The following CEP104 variants were observed in gnomAD, a reference collection of about 807,000 sequenced individuals.
CEP104 encodes centrosomal protein 104.
A neutral mutation model predicts 113.3 loss-of-function variants in CEP104; 84 were observed. The ratio of observed to expected loss-of-function variants is 0.74; its 90% CI spans 0.62 to 0.89. The LOEUF is 0.89. Ranked by LOEUF, CEP104 falls within the 40% of genes least tolerant of loss-of-function variation. The probability of loss-of-function intolerance (pLI) is 0.00; values close to 1 mark genes in which losing one functional copy is unlikely to be tolerated. For synonymous variants in CEP104, 378 were observed against 421.7 expected (o/e 0.90, Z 1.27); for missense variants, 1,053 against 1,156.6 (o/e 0.91, Z 1.30).
rs1644090848 is a variant in CEP104, at chr1:3,826,355, G to A, written c.2255+15C>T. The stretch of plus-strand genomic sequence containing the variant: ...CCTGACCATCGTACAATGGGTGGAA[G>A]ACAGCGCGACTTACTTATCTAGATA... On this transcript the variant is annotated intron_variant, in intron 17 of 21. Coordinates refer to ENST00000378230, the MANE Select transcript of CEP104 (RefSeq NM_014704.4). 6.2e-7 allele frequency: 1 copy of A among 1,612,312 alleles called. No homozygotes were observed. Among genetic ancestry groups the A allele is most frequent in the East Asian group, 2.2e-5 (1 of 44,868 alleles).
intron 2 of CEP104, among the ~76,000 whole-genome samples, chr1:3,849,263 T>G (rs1644566860): frequency 8.3e-6 from 1 of 119,768 alleles, no homozygotes; most frequent in Non-Finnish European, 1.7e-5. Flanking sequence ...AAAAGTGACA[T>G]AACTTTTTTT....
rs1643930844 is a variant in CEP104, at chr1:3,819,456, G to A, written c.2572-3086C>T. Among the ~76,000 whole-genome samples the A allele has an allele frequency of 6.6e-6, 1 of 152,212 alleles. No homozygotes were observed. The highest frequency in any genetic ancestry group is 1.5e-5 in the Non-Finnish European group (1 of 68,030). On this transcript the variant is annotated intron_variant, in intron 20 of 21. Transcript: ENST00000378230. This position sits in a 1 kb window ranked among gnomAD's most constrained non-coding sequence, Gnocchi z 4.6. The stretch of plus-strand genomic sequence containing the variant: ...CCACGGGGAGAGGCTGTGCAGACTA[G>A]ATCTCCATGAAGCTGTTAAAAACAG...
rs143529319 is a variant in CEP104, at chr1:3,839,898, C to T, written c.567-122G>A. ...CCCATCATGGTTCACAGAGCATTTCCTGCATGAGAAAACGGGTCTCAGAGA... is the reference window on the plus strand; with the variant it reads ...CCCATCATGGTTCACAGAGCATTTCTTGCATGAGAAAACGGGTCTCAGAGA... On this transcript the variant is annotated intron_variant, in intron 6 of 21. Coordinates refer to ENST00000378230, the MANE Select transcript of CEP104 (RefSeq NM_014704.4). The T allele has an allele frequency of 0.014, 11,011 of 783,098 alleles. 174 individuals are homozygous for T. The highest frequency in any genetic ancestry group is 0.039 in the East Asian group (1,492 of 38,038). 48.5% of individuals were successfully genotyped at this position (783,098 alleles called of 1,614,324 possible). A position where few individuals can be genotyped will look rare whatever the true frequency, so the allele number is the denominator to read the frequency against.
At chr1:3,827,803 C>T (rs1015518889) in intron 15 of CEP104, among the ~76,000 whole-genome samples, 12 of 152,242 alleles carry the variant, frequency 7.9e-5, no homozygotes, top group Admixed American at 2.6e-4. Context: ...CCCAGCACCC[C>T]GCAGCACAGA....
intron 9 of CEP104, 68 bp from the exon 10 acceptor site, chr1:3,836,760 T>G: frequency 8.6e-6 from 12 of 1,402,658 alleles, no homozygotes; most frequent in South Asian, 1.2e-5. Flanking sequence ...AGTGCAACTC[T>G]CACTGGCAGG....
chr1:3,835,162 T>G (rs1307569747), intron 10 of CEP104, 70 bp from the exon 11 acceptor site: 1 of 1,216,432 alleles, frequency 8.2e-7, no homozygotes, highest in African/African-American at 1.9e-5. Context: ...CTTGAAGGCT[T>G]TGTTTTTTTT....
At chr1:3,832,410 C>CGCAGGTCGTGACCAGGAGTGTAGT (rs1644229598) in intron 12 of CEP104, among the ~76,000 whole-genome samples, 1 of 38,854 alleles carries the variant, frequency 2.6e-5, no homozygotes, top group Non-Finnish European at 6.3e-5. Flanking sequence ...AGGAGTGTAG[C>CGCAGGTCGTGACCAGGAGTGTAGT]GTAGGTCCTG....
At position 3,829,871 on chromosome 1, in the gene CEP104, T is replaced by C; in HGVS notation, c.1963A>G (p.Thr655Ala). Residue 655 changes from threonine to alanine, a missense_variant, in exon 14 of 22, where the codon ACA becomes GCA. By Grantham distance (58) the Thr-to-Ala change is moderately conservative. Transcript: ENST00000378230. The part of the protein sequence containing the change: ...LEYLPPDDSN[T>A]RRNILYKTIF... ...GTTTTGTAGAGAATGTTCCTGCGTG[T>C]GTTGCTGTCGTCTGGAGGAAGGTAC... 1 of 1,614,188 alleles carries C rather than the reference T, an allele frequency of 6.2e-7. No individual in the cohort carries two copies. The highest frequency in any genetic ancestry group is 8.5e-7 in the Non-Finnish European group (1 of 1,180,034).
At chr1:3,849,798 G>A (rs1466495905) in intron 2 of CEP104, among the ~76,000 whole-genome samples, 1 of 151,340 alleles carries the variant, frequency 6.6e-6, no homozygotes, top group African/African-American at 2.4e-5. Context: ...CTGAACATAA[G>A]GACAATAAGT....
At chr1:3,817,432 T>C (rs567619109) in intron 20 of CEP104, among the ~76,000 whole-genome samples, 15 of 152,136 alleles carry the variant, frequency 9.9e-5, no homozygotes, top group Non-Finnish European at 1.8e-4. Context: ...GCCCTGCTTC[T>C]CCCTGGTTCC....
At chr1:3,851,028 G>A (rs1644600737) in intron 2 of CEP104, among the ~76,000 whole-genome samples, 2 of 152,354 alleles carry the variant, frequency 1.3e-5, no homozygotes, top group South Asian at 4.1e-4. Flanking sequence ...TCTGGGAGGA[G>A]AGGGCAGAGC....
chr1:3,841,387 A>G (rs1644409840), intron 6 of CEP104, among the ~76,000 whole-genome samples: 1 of 152,192 alleles, frequency 6.6e-6, no homozygotes, highest in African/African-American at 2.4e-5. Context: ...AACTGTGTCT[A>G]ATCCCAGGGG....
chr1:3,850,027 C>T (rs1247508847), intron 2 of CEP104, among the ~76,000 whole-genome samples: 4 of 152,352 alleles, frequency 2.6e-5, no homozygotes, highest in South Asian at 4.1e-4. Flanking sequence ...AGCACTGTCA[C>T]GTGCTGTACA....
At position 3,829,955 on chromosome 1, in the gene CEP104, C is replaced by A. The variant is rs750473230; in HGVS notation, c.1879G>T (p.Glu627Ter). Residue 627 changes from glutamate (E) to a stop codon, truncating the protein, a stop_gained, in exon 14 of 22, where the codon GAG becomes TAG. Coordinates refer to ENST00000378230, the MANE Select transcript of CEP104 (RefSeq NM_014704.4). LOFTEE classifies it high-confidence loss of function. ...ALEHRVYEVR[E>*]TAVRIILDMY... Reference sequence around the variant, plus strand: ...TCCAAAATAATTCGAACCGCCGTCTCGCGGACCTCATACACTCTATGCTCC... The same window carrying A: ...TCCAAAATAATTCGAACCGCCGTCTAGCGGACCTCATACACTCTATGCTCC... 6.2e-7 allele frequency: 1 copy of A among 1,614,172 alleles called. No individual in the cohort carries two copies. Among genetic ancestry groups the A allele is most frequent in the African/African-American group, 1.3e-5 (1 of 75,040 alleles).
At chr1:3,855,948 C>A (rs1644716884) in intron 1 of CEP104, 1 of 985,406 alleles carries the variant, frequency 1.0e-6, no homozygotes, top group Non-Finnish European at 1.2e-6. Flanking sequence ...ACATCTCTCC[C>A]CAGGCAGCGA....
At position 3,829,817 on chromosome 1, in the gene CEP104, C is replaced by A. The variant is rs1644164798; in HGVS notation, c.2017G>T (p.Gly673Cys). The stretch of plus-strand genomic sequence containing the variant: ...CTCATCTCAGCATCTGTAGCTCTGC[C>A]ATCTATTTTAGCAAATCCCTCAAAA... Reference protein sequence around the residue: ...TIFEGFAKIDGRATDAEMRAR... With the variant: ...TIFEGFAKIDCRATDAEMRAR... The change falls in exon 14 of 22, where the codon GGC (glycine) becomes TGC (cysteine). Residue 673 changes from glycine to cysteine, a missense_variant. Coordinates refer to ENST00000378230, the MANE Select transcript of CEP104 (RefSeq NM_014704.4). 1 of 1,614,198 alleles carries A rather than the reference C, an allele frequency of 6.2e-7. No homozygotes were observed. The highest frequency in any genetic ancestry group is 1.1e-5 in the South Asian group (1 of 91,074).
intron 20 of CEP104, among the ~76,000 whole-genome samples, chr1:3,818,920 T>C (rs1332613863): frequency 6.6e-6 from 1 of 152,184 alleles, no homozygotes; most frequent in Admixed American, 6.6e-5. Context: ...GTTTGAGAAA[T>C]CCCTTCCTAT....
At position 3,814,338 on chromosome 1, in the gene CEP104, A is replaced by G. The variant is rs1368841386; in HGVS notation, c.*1064T>C. On this transcript the variant is annotated 3_prime_UTR_variant, in exon 22 of 22. Coordinates refer to ENST00000378230, the MANE Select transcript of CEP104 (RefSeq NM_014704.4). ...GACACAGGCCCAACCAAAGCTATGGACAAAACCCCCAGCTCACTCCCACAG... is the reference window on the plus strand; with the variant it reads ...GACACAGGCCCAACCAAAGCTATGGGCAAAACCCCCAGCTCACTCCCACAG... The G allele has an allele frequency of 6.6e-6, 1 of 152,256 alleles. No homozygotes were observed. Among genetic ancestry groups the G allele is most frequent in the African/African-American group, 2.4e-5 (1 of 41,462 alleles). 9.4% of individuals were successfully genotyped at this position (152,256 alleles called of 1,614,324 possible).
rs535293642 is a variant in CEP104 at position 3,836,577 on chromosome 1, C to A, written c.1235G>T (p.Gly412Val). 4.4e-6 allele frequency: 7 copies of A among 1,604,596 alleles called. No individual in the cohort carries two copies. In the East Asian group the frequency reaches 9.0e-5, roughly 21 times the overall value. Residue 412 changes from glycine (G) to valine (V), a missense_variant, in exon 10 of 22, where the codon GGC becomes GTC. Transcript: ENST00000378230. ...TAAGGGCTCTGGCTCCCCTAACATG[C>A]CTCCCCTCCGAGCATCGCTGATGTC... is the stretch of plus-strand genomic sequence containing the variant. ...NADISDARRG[G>V]MLGEPEPLTE...
Sources: allele counts gnomAD v4.1 joint callset (sites outside exome capture counted in the v4.1 genomes callset), GRCh38; gene constraint gnomAD v4.1.1; non-coding constraint Gnocchi (gnomAD v3.1); transcripts MANE v1.5; gene names NCBI Gene and HGNC (gene_info 2026-07-23, HGNC 2026-07-21).